Variants in HTR2C observed in about 807,000 individuals in gnomAD.
The protein encoded by HTR2C is 5-hydroxytryptamine (serotonin) receptor 2C, G protein-coupled.
HTR2C carries 5 observed loss-of-function variants against 21.0 expected under a neutral mutation model. The observed-to-expected ratio is 0.24, with a 90% confidence interval of 0.12 to 0.50. The LOEUF (loss-of-function observed/expected upper bound fraction) is 0.50, where lower values mean the gene tolerates loss of function less well. HTR2C is among the 20% of genes least tolerant of loss of function. HTR2C has a pLI of 0.98. For synonymous variants in HTR2C, 150 were observed against 145.3 expected (o/e 1.03, Z -0.23); for missense variants, 271 against 371.2 (o/e 0.73, Z 2.22).
chrX:114,674,148 A>C (rs1556412192), intron 2 of HTR2C, among the ~76,000 whole-genome samples: 1 of 112,291 alleles, frequency 8.9e-6, no homozygotes, highest in African/African-American at 3.2e-5. Flanking sequence ...AGACTCAGTA[A>C]TCACAGCCCA....
At position 114,860,195 on chromosome X, in the gene HTR2C, C is replaced by T. The variant is rs113139076; in HGVS notation, c.550+11992C>T. Among the ~76,000 whole-genome samples, 777 of 111,639 alleles carry T rather than the reference C, an allele frequency of 7.0e-3. 4 individuals carry two copies. The highest frequency in any genetic ancestry group is 9.9e-3 in the Admixed American group (103 of 10,450). ...CTTTTCTATGTGTATTTTCTAGTTACTGCAAGAGTTGTGTTAAAATCTCTG... is the reference window on the plus strand; with the variant it reads ...CTTTTCTATGTGTATTTTCTAGTTATTGCAAGAGTTGTGTTAAAATCTCTG... On this transcript the variant is annotated intron_variant, in intron 5 of 5. Coordinates refer to ENST00000276198, the MANE Select transcript of HTR2C (RefSeq NM_000868.4).
intron 2 of HTR2C, among the ~76,000 whole-genome samples, chrX:114,683,587 C>T (rs1931819844): frequency 9.0e-6 from 1 of 110,793 alleles, no homozygotes; most frequent in Non-Finnish European, 1.9e-5. Flanking sequence ...GAGTTTGAGA[C>T]CAGCCTGGTC....
intron 2 of HTR2C, among the ~76,000 whole-genome samples, chrX:114,707,704 G>A (rs1243166825): frequency 2.7e-5 from 3 of 110,291 alleles, no homozygotes; most frequent in Admixed American, 9.8e-5. Flanking sequence ...ATTCCATATT[G>A]CAATTTATGA....
intron 1 of HTR2C, among the ~76,000 whole-genome samples, chrX:114,609,599 C>G (rs782641238): frequency 2.7e-5 from 3 of 111,536 alleles, no homozygotes; most frequent in Non-Finnish European, 5.7e-5. Flanking sequence ...GTTTAAAGGA[C>G]AGTATCGTGT....
chrX:114,651,040 C>T (rs370008833), intron 2 of HTR2C, among the ~76,000 whole-genome samples: 1 of 111,807 alleles, frequency 8.9e-6, no homozygotes, highest in Middle Eastern at 4.6e-3. Flanking sequence ...GTATGAACTC[C>T]GTTAGTATTT....
At chrX:114,613,417 C>T (rs1928827588) in intron 1 of HTR2C, among the ~76,000 whole-genome samples, 1 of 111,094 alleles carries the variant, frequency 9.0e-6, no homozygotes, top group Admixed American at 9.6e-5. Flanking sequence ...CTCTCATGGC[C>T]ATCTTGGTTT....
At chrX:114,841,468 G>A (rs782262616) in intron 4 of HTR2C, among the ~76,000 whole-genome samples, 1 of 112,279 alleles carries the variant, frequency 8.9e-6, no homozygotes, top group African/African-American at 3.2e-5. Context: ...GCGGCTGGGC[G>A]CAGTGGCTCA....
intron 2 of HTR2C, among the ~76,000 whole-genome samples, chrX:114,684,979 T>A (rs993790576): frequency 1.8e-5 from 2 of 111,266 alleles, no homozygotes; most frequent in African/African-American, 6.5e-5. Context: ...GGCTAAAATC[T>A]TTCAATTAAT....
chrX:114,783,203 T>C (rs1238249741), intron 4 of HTR2C, among the ~76,000 whole-genome samples: 1 of 110,729 alleles, frequency 9.0e-6, no homozygotes, highest in East Asian at 2.9e-4. Context: ...TAAGACAAAA[T>C]AAAAATGAAA....
At chrX:114,686,010 A>G (rs1166198642) in intron 2 of HTR2C, among the ~76,000 whole-genome samples, 1 of 111,518 alleles carries the variant, frequency 9.0e-6, no homozygotes, top group African/African-American at 3.3e-5. Flanking sequence ...AGGGCAGTTG[A>G]TATAGAACAA....
At chrX:114,899,696 G>T (rs1186610640) in intron 5 of HTR2C, among the ~76,000 whole-genome samples, 1 of 111,122 alleles carries the variant, frequency 9.0e-6, no homozygotes, top group Non-Finnish European at 1.9e-5. Context: ...CATCGGTTGA[G>T]TTGTTTCCCT....
At chrX:114,789,825 T>A (rs2070214208) in intron 4 of HTR2C, among the ~76,000 whole-genome samples, 1 of 111,436 alleles carries the variant, frequency 9.0e-6, no homozygotes, top group Admixed American at 9.6e-5. Flanking sequence ...ACCTTAGGTA[T>A]GGGATATAAG....
chrX:114,821,813 A>T (rs1447299290), intron 4 of HTR2C, among the ~76,000 whole-genome samples: 5 of 110,744 alleles, frequency 4.5e-5, no homozygotes, highest in Non-Finnish European at 7.5e-5. Flanking sequence ...AGCACCTAGG[A>T]GAGTTAGCAA....
At chrX:114,599,193 A>ATT (rs1263787182) in intron 1 of HTR2C, among the ~76,000 whole-genome samples, 3,655 of 32,379 alleles carry the variant, frequency 0.11, 151 homozygotes, top group African/African-American at 0.28. Context: ...CAAAATTATG[A>ATT]CTTGTTCTTA....
intron 2 of HTR2C, among the ~76,000 whole-genome samples, chrX:114,662,358 T>C (rs1931021732): frequency 9.0e-6 from 1 of 111,414 alleles, no homozygotes. Flanking sequence ...ATTTCTTTCA[T>C]ATGCAAATAC....
intron 4 of HTR2C, among the ~76,000 whole-genome samples, chrX:114,742,409 AG>A (rs1253728102): frequency 4.5e-5 from 5 of 111,190 alleles, no homozygotes; most frequent in Non-Finnish European, 9.4e-5. Context: ...GACTCAAAGC[AG>A]CGTAGCCAAG....
At chrX:114,665,199 T>C (rs1931131686) in intron 2 of HTR2C, among the ~76,000 whole-genome samples, 1 of 111,876 alleles carries the variant, frequency 8.9e-6, no homozygotes, top group South Asian at 3.7e-4. Flanking sequence ...GAGACCTCCT[T>C]ATTACACTGA....
chrX:114,759,072 G>A lies in HTR2C; in HGVS notation c.349+27465G>A, dbSNP rs1356504444. On this transcript the variant is annotated intron_variant, in intron 4 of 5. Transcript: ENST00000276198. ...AATAGTAGGAATAAAAAATACTCAT[G>A]TTCAGGTTTACATATATTTACCATG... 3.6e-5 allele frequency among the ~76,000 whole-genome samples: 4 copies of A among 111,731 alleles called. No individual in the cohort carries two copies. The South Asian group carries it at 1.5e-3, about 41-fold the overall frequency.
intron 4 of HTR2C, among the ~76,000 whole-genome samples, chrX:114,809,807 C>T (rs781859929): frequency 9.0e-6 from 1 of 111,120 alleles, no homozygotes; most frequent in Non-Finnish European, 1.9e-5. Context: ...GACAAAATCC[C>T]CTTTACTGTT....
Sources: gnomAD v4.1 joint callset for allele counts (sites outside exome capture counted in the v4.1 genomes callset) on GRCh38, gnomAD v4.1.1 for gene constraint, MANE v1.5 for transcripts, NCBI Gene and HGNC (gene_info 2026-07-23, HGNC 2026-07-21) for gene names.